Variants in CLNK observed in about 807,000 individuals in gnomAD.
The protein encoded by CLNK is cytokine dependent hematopoietic cell linker.
In CLNK, 74 loss-of-function variants were observed where a neutral mutation model predicts 68.6. The observed-to-expected ratio is 1.08, with a 90% CI of 0.89 to 1.31. The LOEUF is 1.31. CLNK is among the 50% of genes most tolerant of loss of function. CLNK has a pLI of 0.00. For synonymous variants in CLNK, 198 were observed against 172.2 expected, an observed-to-expected ratio of 1.15 and a Z score of -1.17; for missense variants, 553 against 515.3, an observed-to-expected ratio of 1.07 and a Z score of -0.71.
At chr4:10,699,243 TACACACCACGTATGTGTGTATACACACAC>T in the CLNK span, among the ~76,000 whole-genome samples, 3 of 54,776 alleles carry the variant, frequency 5.5e-5, no homozygotes, top group Non-Finnish European at 1.2e-4. Context: ...TACACACACA[TACACACCACGTATGTGTGTATACACACAC>T]ACACACCACA....
intron 1 of CLNK, among the ~76,000 whole-genome samples, chr4:10,670,751 G>A (rs1295715442): frequency 6.6e-6 from 1 of 152,084 alleles, no homozygotes; most frequent in African/African-American, 2.4e-5. Context: ...TGACAAAAAT[G>A]GTTTCAAAAG....
intron 2 of CLNK, among the ~76,000 whole-genome samples, chr4:10,625,775 T>C (rs1336667198): frequency 6.6e-6 from 1 of 151,840 alleles, no homozygotes; most frequent in Non-Finnish European, 1.5e-5. Flanking sequence ...GAGGCAGAGA[T>C]AGACAGGAAG....
intron 14 of CLNK, 137 bp downstream of exon 14, chr4:10,525,704 T>G: frequency 1.7e-6 from 1 of 580,182 alleles, no homozygotes; most frequent in Non-Finnish European, 3.1e-6. Context: ...GATTCACAAG[T>G]TTCTCTTGAG....
Position 10,654,384 on chromosome 4 carries a change from A to AATATATATATATATATATATATAT in CLNK, c.11+13474_11+13475insATATATATATATATATATATATAT, listed in dbSNP as rs71281268. On this transcript the variant is annotated intron_variant, in intron 2 of 18. Transcript: ENST00000226951. ...TATATAGATAAATATATATTGATTAAATATATATATATATATATAGAAAGT... is the reference window on the plus strand; with the variant it reads ...TATATAGATAAATATATATTGATTAAATATATATATATATATATATATATATATATATATATATATATAGAAAGT... Among the ~76,000 whole-genome samples, 468 of 84,028 alleles carry AATATATATATATATATATATATAT rather than the reference A, an allele frequency of 5.6e-3. 24 individuals carry two copies. Among genetic ancestry groups the AATATATATATATATATATATATAT allele is most frequent in the Non-Finnish European group, 9.8e-3 (319 of 32,574 alleles). 55.1% of individuals were successfully genotyped at this position (84,028 alleles called of 152,430 possible).
intron 8 of CLNK, among the ~76,000 whole-genome samples, chr4:10,553,816 G>C (rs1719559194): frequency 6.6e-6 from 1 of 152,130 alleles, no homozygotes; most frequent in Admixed American, 6.5e-5. Flanking sequence ...ACTGTACTTT[G>C]AGCTACTTAG....
chr4:10,567,046 C>T (rs1253527464), intron 5 of CLNK, among the ~76,000 whole-genome samples: 1 of 147,018 alleles, frequency 6.8e-6, no homozygotes, highest in Non-Finnish European at 1.5e-5. Flanking sequence ...AATTAACACA[C>T]TGATTTATTT....
intron 1 of CLNK, among the ~76,000 whole-genome samples, chr4:10,680,883 G>A (rs4479698): frequency 0.041 from 6,191 of 152,220 alleles, 189 homozygotes; most frequent in Middle Eastern, 0.1. Flanking sequence ...ATCAGAAGTA[G>A]GAGTTTGGGA....
rs1406791522 is a variant in CLNK at position 10,525,545 on chromosome 4, AC to A, written c.731+295del. Among the ~76,000 whole-genome samples the A allele has an allele frequency of 5.3e-5, 8 of 152,308 alleles. No homozygotes were observed. The South Asian group carries it at 1.0e-3, about 20-fold the overall frequency. ...AACCCTGAATAGTTTGAAACAACAAACTTTTCCTCCCAGGTTGATTAGCATC... is the reference window on the plus strand; with the variant it reads ...AACCCTGAATAGTTTGAAACAACAAATTTTCCTCCCAGGTTGATTAGCATC... On this transcript the variant is annotated intron_variant, in intron 14 of 18. Transcript: ENST00000226951.
At chr4:10,583,955 C>T (rs1349352009) in intron 4 of CLNK, among the ~76,000 whole-genome samples, 2 of 152,162 alleles carry the variant, frequency 1.3e-5, no homozygotes, top group African/African-American at 2.4e-5. Flanking sequence ...CTCTTCCCTC[C>T]AGGATGCCAG....
At chr4:10,501,906 A>G (rs1481777941) in intron 17 of CLNK, among the ~76,000 whole-genome samples, 1 of 152,242 alleles carries the variant, frequency 6.6e-6, no homozygotes, top group Non-Finnish European at 1.5e-5. Context: ...CAGCCTGGGC[A>G]ACAGAGCAGG....
chr4:10,681,572 C>G (rs753750600), intron 1 of CLNK, among the ~76,000 whole-genome samples: 4 of 152,188 alleles, frequency 2.6e-5, no homozygotes, highest in Admixed American at 6.5e-5. Context: ...GATTTTGATT[C>G]TCATGCATAA....
chr4:10,543,299 A>T (rs574250137), intron 8 of CLNK, among the ~76,000 whole-genome samples: 1 of 152,260 alleles, frequency 6.6e-6, no homozygotes, highest in East Asian at 1.9e-4. Context: ...ATCTCTAAAA[A>T]TGGGCGTGGT....
At chr4:10,559,484 T>C (rs1165611202) in intron 7 of CLNK, among the ~76,000 whole-genome samples, 1 of 152,162 alleles carries the variant, frequency 6.6e-6, no homozygotes, top group Non-Finnish European at 1.5e-5. Flanking sequence ...CCAGAGGGTT[T>C]TTTCAATGTT....
intron 2 of CLNK, among the ~76,000 whole-genome samples, chr4:10,605,730 A>G (rs1484052142): frequency 7.0e-6 from 1 of 142,576 alleles, no homozygotes; most frequent in Non-Finnish European, 1.5e-5. Flanking sequence ...TGGGAGGCTG[A>G]GGCAGGAGAA....
intron 2 of CLNK, chr4:10,656,633 G>A (rs542715131): frequency 1.3e-5 from 2 of 152,228 alleles, no homozygotes; most frequent in Admixed American, 1.3e-4. Context: ...TGGCTGCTTT[G>A]GTAATTGTGA....
At chr4:10,674,020 T>A (rs1724770490) in intron 1 of CLNK, among the ~76,000 whole-genome samples, 1 of 152,202 alleles carries the variant, frequency 6.6e-6, no homozygotes, top group Non-Finnish European at 1.5e-5. Context: ...GCTCTCTCTG[T>A]CAAAGGAATG....
chr4:10,525,722 A>T, intron 14 of CLNK, 119 bp downstream of exon 14: 2 of 616,022 alleles, frequency 3.2e-6, no homozygotes, highest in Middle Eastern at 2.6e-4. Context: ...GAGCCTCATT[A>T]TTGGGCTTCA....
At chr4:10,506,968 T>A (rs1266523997) in intron 17 of CLNK, among the ~76,000 whole-genome samples, 1 of 148,862 alleles carries the variant, frequency 6.7e-6, no homozygotes, top group Non-Finnish European at 1.5e-5. Context: ...CCCGGCCAAT[T>A]TTTTTTTTTG....
At chr4:10,598,555 A>G in intron 2 of CLNK, 1 of 290,454 alleles carries the variant, frequency 3.4e-6, no homozygotes, top group East Asian at 1.2e-4. Context: ...AAGACAGACT[A>G]TTTAGCAACA....
Sources: allele counts gnomAD v4.1 joint callset (sites outside exome capture counted in the v4.1 genomes callset), GRCh38; gene constraint gnomAD v4.1.1; transcripts MANE v1.5; gene names NCBI Gene and HGNC (gene_info 2026-07-23, HGNC 2026-07-21).